Variants in LONP2 observed in about 807,000 individuals in gnomAD.
The protein encoded by LONP2 is lon peptidase 2, peroxisomal.
LONP2 carries 60 observed loss-of-function variants against 85.6 expected under a neutral mutation model. That is an observed-to-expected ratio of 0.70 (90% CI 0.57 to 0.87). The LOEUF (loss-of-function observed/expected upper bound fraction) is 0.87. LONP2 is among the 40% of genes least tolerant of loss of function. The pLI is 0.00. For synonymous variants in LONP2, 395 were observed against 389.7 expected (o/e 1.01, Z -0.16); for missense variants, 860 against 1,063.5 (o/e 0.81, Z 2.66).
intron 6 of LONP2, 143 bp downstream of exon 6, chr16:48,263,015 G>A: frequency 1.7e-6 from 1 of 602,276 alleles, no homozygotes. Flanking sequence ...TTTTATTGAA[G>A]TGTGATTGTC....
intron 11 of LONP2, among the ~76,000 whole-genome samples, chr16:48,315,707 T>C (rs1973126046): frequency 6.6e-6 from 1 of 152,202 alleles, no homozygotes; most frequent in Non-Finnish European, 1.5e-5. Flanking sequence ...TATACTCTTT[T>C]ATTGGTTTTG....
intron 6 of LONP2, among the ~76,000 whole-genome samples, chr16:48,265,266 T>C (rs1170995430): frequency 6.6e-6 from 1 of 152,212 alleles, no homozygotes; most frequent in Non-Finnish European, 1.5e-5. Context: ...TTGACTTTGG[T>C]GTCAATATCC....
At chr16:48,328,553 C>G (rs1461283555) in intron 11 of LONP2, among the ~76,000 whole-genome samples, 1 of 152,008 alleles carries the variant, frequency 6.6e-6, no homozygotes, top group African/African-American at 2.4e-5. Flanking sequence ...TGACGTGTGC[C>G]TGTAATCTCA....
intron 11 of LONP2, among the ~76,000 whole-genome samples, chr16:48,319,900 C>T (rs1469585963): frequency 6.6e-6 from 1 of 151,932 alleles, no homozygotes. Flanking sequence ...TGGTGGCTCA[C>T]GCCTTTAATC....
At position 48,316,238 on chromosome 16, in the gene LONP2, C is replaced by A. The variant is rs1229335765; in HGVS notation, c.1795+12933C>A. ...GCCAGGCTGGTCTCGAACTCCTTAC[C>A]TTAGGTGATCTGCCCTCCTCTGCCT... is the stretch of plus-strand genomic sequence containing the variant. On this transcript the variant is annotated intron_variant, in intron 11 of 14. Coordinates refer to ENST00000285737, the MANE Select transcript of LONP2 (RefSeq NM_031490.5). Among the ~76,000 whole-genome samples the A allele has an allele frequency of 8.6e-5, 13 of 150,964 alleles. 1 individual carries two copies. The highest frequency in any genetic ancestry group is 8.6e-4 in the Admixed American group (13 of 15,128).
rs1347624345 is a variant in LONP2, at chr16:48,357,148, C to A, written c.*5346C>A. On this transcript the variant is annotated 3_prime_UTR_variant, in exon 15 of 15. Coordinates refer to ENST00000285737, the MANE Select transcript of LONP2 (RefSeq NM_031490.5). ...ATCTAGCCTTCCTCATTCCCTTACG[C>A]AGTGGACATCATACCCTTTTGTGGA... 1 of 152,196 alleles carries A rather than the reference C, an allele frequency of 6.6e-6. No homozygotes were observed. Among genetic ancestry groups the A allele is most frequent in the African/African-American group, 2.4e-5 (1 of 41,436 alleles). The allele number at this position is 152,196 out of a possible 1,614,324, so 9.4% of individuals were successfully genotyped here. A position where few individuals can be genotyped will look rare whatever the true frequency, so the allele number is the denominator to read the frequency against.
intron 12 of LONP2, among the ~76,000 whole-genome samples, chr16:48,346,982 C>T (rs1428114144): frequency 3.9e-5 from 6 of 151,938 alleles, no homozygotes; most frequent in Admixed American, 3.9e-4. Context: ...GAGACCACAT[C>T]TCTACAAAAA....
chr16:48,300,776 T>C (rs1364724971), intron 10 of LONP2, among the ~76,000 whole-genome samples: 1 of 152,244 alleles, frequency 6.6e-6, no homozygotes, highest in African/African-American at 2.4e-5. Flanking sequence ...AAGTGACTTA[T>C]ATGTCTGAGT....
At chr16:48,311,062 C>T (rs1973019779) in intron 11 of LONP2, among the ~76,000 whole-genome samples, 1 of 152,172 alleles carries the variant, frequency 6.6e-6, no homozygotes, top group South Asian at 2.1e-4. Context: ...AGTGACTAGA[C>T]ACTTTTACTG....
chr16:48,336,194 A>G (rs2151025957), intron 12 of LONP2, among the ~76,000 whole-genome samples: 2 of 152,368 alleles, frequency 1.3e-5, no homozygotes, highest in Middle Eastern at 6.8e-3. Context: ...GTTTGGAAGC[A>G]TTGCTGACAT....
chr16:48,315,147 A>G (rs1311420203), intron 11 of LONP2, among the ~76,000 whole-genome samples: 1 of 152,236 alleles, frequency 6.6e-6, no homozygotes, highest in Non-Finnish European at 1.5e-5. Context: ...CTAATATTAT[A>G]AAATGACAAT....
intron 12 of LONP2, chr16:48,336,310 G>A (rs1286611677): frequency 2.2e-6 from 1 of 455,182 alleles, no homozygotes; most frequent in Non-Finnish European, 4.4e-6. Context: ...TATTTTCCTT[G>A]TAGCATGTGA....
chr16:48,269,945 C>T (rs1223267444), intron 6 of LONP2, 71 bp from the exon 7 acceptor site: 15 of 1,497,624 alleles, frequency 1.0e-5, no homozygotes, highest in Non-Finnish European at 1.3e-5. Context: ...TTGCCCTCGT[C>T]ATGCTTGAAA....
chr16:48,322,803 T>C, intron 11 of LONP2, among the ~76,000 whole-genome samples: 1 of 152,220 alleles, frequency 6.6e-6, no homozygotes. Flanking sequence ...TATGAAGTAT[T>C]ATGTACTGTA....
chr16:48,304,597 T>C (rs1194775121), intron 11 of LONP2, among the ~76,000 whole-genome samples: 1 of 152,026 alleles, frequency 6.6e-6, no homozygotes, highest in Non-Finnish European at 1.5e-5. Context: ...CCCGCTACTC[T>C]GGAGGTTGAG....
At position 48,351,565 on chromosome 16, in the gene LONP2, T is replaced by C. The variant is rs1434783033; in HGVS notation, c.2338-16T>C. 1.2e-6 allele frequency: 2 copies of C among 1,607,680 alleles called. No individual in the cohort carries two copies. The highest frequency in any genetic ancestry group is 1.7e-6 in the Non-Finnish European group (2 of 1,176,410). ...GGGTGATCATTAACCCTAAAAACTT[T>C]TTTCTCTCCTTACAGGTGGGTGGAA... is the stretch of plus-strand genomic sequence containing the variant. On this transcript the variant is annotated splice_polypyrimidine_tract_variant and intron_variant, in intron 14 of 14. Coordinates refer to ENST00000285737, the MANE Select transcript of LONP2 (RefSeq NM_031490.5).
intron 11 of LONP2, 120 bp downstream of exon 11, chr16:48,303,425 C>A: frequency 3.8e-6 from 4 of 1,048,484 alleles, no homozygotes; most frequent in South Asian, 1.5e-5. Flanking sequence ...CATGACTCCA[C>A]TGTTAAATGC....
chr16:48,310,319 G>A (rs533773699), intron 11 of LONP2, among the ~76,000 whole-genome samples: 3 of 151,438 alleles, frequency 2.0e-5, no homozygotes, highest in Admixed American at 1.3e-4. Context: ...CAGTCATAAT[G>A]TTAATTGCTA....
At chr16:48,258,289 C>G (rs1462299103) in intron 3 of LONP2, among the ~76,000 whole-genome samples, 3 of 150,332 alleles carry the variant, frequency 2.0e-5, no homozygotes, top group Non-Finnish European at 4.4e-5. Context: ...GGAGCTTGCA[C>G]TGAGCCAAGA....
Sources: gnomAD v4.1 joint callset for allele counts (sites outside exome capture counted in the v4.1 genomes callset) on GRCh38, gnomAD v4.1.1 for gene constraint, MANE v1.5 for transcripts, NCBI Gene and HGNC (gene_info 2026-07-23, HGNC 2026-07-21) for gene names.